The following PDE4B variants were observed in gnomAD, a reference collection of about 807,000 sequenced individuals.
PDE4B encodes the protein 3',5'-cyclic-AMP phosphodiesterase 4B.
PDE4B carries 20 observed loss-of-function variants against 82.2 expected under a neutral mutation model. The ratio of observed to expected loss-of-function variants is 0.24; its 90% CI spans 0.17 to 0.35. The LOEUF (loss-of-function observed/expected upper bound fraction) is 0.35. PDE4B is among the 10% of genes least tolerant of loss of function. The pLI, the probability that PDE4B is intolerant of heterozygous loss-of-function variation, is 1.00. For synonymous variants in PDE4B, 320 were observed against 318.9 expected (o/e 1.00, Z -0.04); for missense variants, 655 against 907.2 (o/e 0.72, Z 3.57).
At chr1:66,308,888 A>G (rs1658472611) in intron 7 of PDE4B, among the ~76,000 whole-genome samples, 1 of 152,222 alleles carries the variant, frequency 6.6e-6, no homozygotes, top group Admixed American at 6.5e-5. Context: ...AGATATAGTT[A>G]CTAAAAAATT....
intron 1 of PDE4B, among the ~76,000 whole-genome samples, chr1:65,873,553 A>C (rs1048045111): frequency 6.6e-6 from 1 of 152,236 alleles, no homozygotes; most frequent in Admixed American, 6.5e-5. Flanking sequence ...ATTATGTTGT[A>C]CAATGCAGTT....
At chr1:65,966,267 G>C (rs1649824737) in intron 3 of PDE4B, among the ~76,000 whole-genome samples, 1 of 152,024 alleles carries the variant, frequency 6.6e-6, no homozygotes. Context: ...GACAAACAGA[G>C]AGCCAAATCA....
chr1:66,326,636 G>A (rs540773435), intron 7 of PDE4B, among the ~76,000 whole-genome samples: 2 of 152,324 alleles, frequency 1.3e-5, no homozygotes, highest in African/African-American at 2.4e-5. Flanking sequence ...GTCCAATTAT[G>A]TGAGGCCCAT....
At chr1:66,090,621 ATGTGTGTGTGTGTGTGTGTATGTACG>A (rs1644997285) in intron 3 of PDE4B, among the ~76,000 whole-genome samples, 6 of 122,708 alleles carry the variant, frequency 4.9e-5, no homozygotes, top group African/African-American at 2.5e-4. Context: ...TATATAATAT[ATGTGTGTGTGTGTGTGTGTATGTACG>A]TATATATATG....
intron 4 of PDE4B, among the ~76,000 whole-genome samples, chr1:66,248,127 T>G (rs1483114288): frequency 6.6e-6 from 1 of 152,216 alleles, no homozygotes; most frequent in African/African-American, 2.4e-5. Context: ...CTGTGTCCCT[T>G]CTCTGAAACT....
At chr1:66,355,458 T>C (rs1407695195) in intron 8 of PDE4B, 69 bp from the exon 9 acceptor site, 2 of 991,240 alleles carry the variant, frequency 2.0e-6, no homozygotes, top group Admixed American at 3.7e-5. Context: ...GACAGTAAAG[T>C]TGGAAACATT....
At chr1:66,025,103 G>C (rs994747064) in intron 3 of PDE4B, among the ~76,000 whole-genome samples, 33 of 152,060 alleles carry the variant, frequency 2.2e-4, no homozygotes, top group African/African-American at 7.7e-4. Context: ...CAGCATTTTA[G>C]TTGTCCATTA....
intron 1 of PDE4B, among the ~76,000 whole-genome samples, chr1:65,836,193 C>T (rs757282980): frequency 2.6e-5 from 4 of 152,142 alleles, no homozygotes; most frequent in African/African-American, 4.8e-5. Context: ...TCACCCGTCT[C>T]GGCCTCCCAT....
chr1:66,138,017 A>AT (rs1244138504), intron 3 of PDE4B, among the ~76,000 whole-genome samples: 175 of 152,334 alleles, frequency 1.1e-3, no homozygotes, highest in African/African-American at 4.0e-3. Context: ...ATAGAGAAAG[A>AT]AACTGAAGTC....
At chr1:66,026,649 A>G (rs997788700) in intron 3 of PDE4B, among the ~76,000 whole-genome samples, 2 of 152,248 alleles carry the variant, frequency 1.3e-5, no homozygotes, top group Non-Finnish European at 2.9e-5. Flanking sequence ...TGTGGTTGCT[A>G]TTATTGATAT....
intron 9 of PDE4B, among the ~76,000 whole-genome samples, chr1:66,356,819 T>C (rs1662286565): frequency 6.6e-6 from 1 of 152,238 alleles, no homozygotes; most frequent in East Asian, 1.9e-4. Flanking sequence ...GTTTCTAGTA[T>C]GTGAGTGTCT....
At chr1:65,990,577 A>G (rs1651190334) in intron 3 of PDE4B, among the ~76,000 whole-genome samples, 1 of 152,182 alleles carries the variant, frequency 6.6e-6, no homozygotes, top group Non-Finnish European at 1.5e-5. Flanking sequence ...TTCTCCTGTG[A>G]CATTACTAAT....
intron 1 of PDE4B, among the ~76,000 whole-genome samples, chr1:65,847,923 C>T (rs868109889): frequency 1.7e-4 from 25 of 146,958 alleles, no homozygotes; most frequent in African/African-American, 5.8e-4. Flanking sequence ...ATTCATAAAT[C>T]GTAAGCAGAT....
intron 3 of PDE4B, among the ~76,000 whole-genome samples, chr1:66,189,276 C>T (rs1015543126): frequency 3.9e-5 from 6 of 152,162 alleles, no homozygotes; most frequent in Middle Eastern, 3.4e-3. Flanking sequence ...TTTTTTCCTT[C>T]ATTTCAACTT....
intron 2 of PDE4B, among the ~76,000 whole-genome samples, chr1:65,914,345 C>T (rs1647132096): frequency 6.6e-6 from 1 of 152,042 alleles, no homozygotes; most frequent in African/African-American, 2.4e-5. Flanking sequence ...GTTAGGTGTG[C>T]TATTTAGATT....
chr1:66,270,538 A>G lies in PDE4B; in HGVS notation c.634+4451A>G, dbSNP rs375218317. 2.3e-4 allele frequency among the ~76,000 whole-genome samples: 35 copies of G among 152,336 alleles called. 1 individual carries two copies. Among genetic ancestry groups the G allele is most frequent in the African/African-American group, 7.5e-4 (31 of 41,588 alleles). ...GAACTTTCAGGACCTGTGATGAGAC[A>G]GGGTCTATATGTGCATGGGTAAAGG... On this transcript the variant is annotated intron_variant, in intron 7 of 16. Transcript: ENST00000341517.
chr1:66,021,993 A>T (rs959076697), intron 3 of PDE4B, among the ~76,000 whole-genome samples: 3 of 152,136 alleles, frequency 2.0e-5, no homozygotes, highest in Non-Finnish European at 4.4e-5. Context: ...TTTGTTGAGC[A>T]GTGGTTAGTA....
At chr1:66,355,010 C>A in intron 8 of PDE4B, 1 of 833,378 alleles carries the variant, frequency 1.2e-6, no homozygotes, top group Non-Finnish European at 1.9e-6. Flanking sequence ...TCATTTAACC[C>A]ACTGGGACCT....
At chr1:66,234,609 T>G (rs934505972) in intron 3 of PDE4B, among the ~76,000 whole-genome samples, 2 of 152,126 alleles carry the variant, frequency 1.3e-5, no homozygotes, top group East Asian at 3.8e-4. Context: ...TTTTTTATGA[T>G]TCTTTATTAT....
Sources: allele counts gnomAD v4.1 joint callset (sites outside exome capture counted in the v4.1 genomes callset), GRCh38; gene constraint gnomAD v4.1.1; transcripts MANE v1.5; gene names NCBI Gene and HGNC (gene_info 2026-07-23, HGNC 2026-07-21).